ZNF30: variants seen among roughly 807,000 people sequenced by gnomAD.
ZNF30 encodes the protein zinc finger protein 30 (KOX 28).
Under a neutral mutation model 13.2 loss-of-function variants are expected in ZNF30, and 15 were observed. The ratio of observed to expected loss-of-function variants is 1.13; its 90% CI spans 0.76 to 1.75. The LOEUF (loss-of-function observed/expected upper bound fraction) is 1.75, where lower values mean the gene tolerates loss of function less well. Among genes scored for constraint, ZNF30 ranks in the 40% most tolerant of loss-of-function variants. The pLI is 0.00. For missense variants in ZNF30, 726 were observed against 757.0 expected (o/e 0.96, Z 0.48); for synonymous variants, 223 against 256.6 (o/e 0.87, Z 1.25).
chr19:34,939,730 C>T (rs999589394), intron 4 of ZNF30, among the ~76,000 whole-genome samples: 9 of 152,202 alleles, frequency 5.9e-5, no homozygotes, highest in African/African-American at 1.4e-4. Context: ...GATGCCACAG[C>T]GTTATTTCAC....
intron 3 of ZNF30, among the ~76,000 whole-genome samples, chr19:34,933,070 G>A (rs1206954663): frequency 2.1e-5 from 3 of 145,984 alleles, no homozygotes; most frequent in Admixed American, 6.8e-5. Flanking sequence ...ATGAGCCACC[G>A]GGCCTGGTTT....
upstream of ZNF30, among the ~76,000 whole-genome samples, chr19:34,926,379 T>A (rs746464726): frequency 6.6e-6 from 1 of 152,176 alleles, no homozygotes; most frequent in African/African-American, 2.4e-5. Context: ...GAAAGATAAA[T>A]GCCTATTACA....
chr19:34,939,273 C>A (rs2012916331), intron 4 of ZNF30, among the ~76,000 whole-genome samples: 1 of 151,596 alleles, frequency 6.6e-6, no homozygotes, highest in Non-Finnish European at 1.5e-5. Flanking sequence ...CCTCCGCCTC[C>A]CAGGTTCAAG....
intron 4 of ZNF30, among the ~76,000 whole-genome samples, chr19:34,941,268 G>A (rs2013032859): frequency 6.6e-6 from 1 of 152,060 alleles, no homozygotes; most frequent in South Asian, 2.1e-4. Context: ...CTGAAGTTTT[G>A]TTTTGTTTTG....
chr19:34,933,782 G>T, intron 4 of ZNF30, 59 bp downstream of exon 4: 1 of 1,167,318 alleles, frequency 8.6e-7, no homozygotes, highest in South Asian at 1.3e-5. Flanking sequence ...CCAGCTGTCA[G>T]GGAGGAAGTG....
At position 34,937,980 on chromosome 19, in the gene ZNF30, G is replaced by A. The variant is rs144009152; in HGVS notation, c.256+4257G>A. 6.1e-3 allele frequency among the ~76,000 whole-genome samples: 932 copies of A among 152,168 alleles called. 5 individuals carry two copies. Among genetic ancestry groups the A allele is most frequent in the Non-Finnish European group, 9.2e-3 (623 of 68,010 alleles). On this transcript the variant is annotated intron_variant, in intron 4 of 4. Transcript: ENST00000601142. Reference sequence around the variant, plus strand: ...CTGGCTAATTTTTGTATTTTTAGTAGAGGTGGGGTTTCATCATGTTGTCCA... The same window carrying A: ...CTGGCTAATTTTTGTATTTTTAGTAAAGGTGGGGTTTCATCATGTTGTCCA...
Position 34,938,298 on chromosome 19 carries a change from G to A in ZNF30, c.256+4575G>A, listed in dbSNP as rs10414439. Among the ~76,000 whole-genome samples, 1,045 of 152,168 alleles carry A rather than the reference G, an allele frequency of 6.9e-3. 16 individuals are homozygous for A. The highest frequency in any genetic ancestry group is 0.024 in the African/African-American group (990 of 41,528). On this transcript the variant is annotated intron_variant, in intron 4 of 4. Coordinates refer to ENST00000601142, the MANE Select transcript of ZNF30 (RefSeq NM_194325.3). Reference sequence around the variant, plus strand: ...AAATAAGGTCACATTCTGAAGTATCGGGTGGACAGGAGTTTGGGGGACACT... The same window carrying A: ...AAATAAGGTCACATTCTGAAGTATCAGGTGGACAGGAGTTTGGGGGACACT...
rs1288651661 is a variant in ZNF30, at chr19:34,943,591, T to A, written c.625T>A (p.Cys209Ser). 4.3e-6 allele frequency: 7 copies of A among 1,613,564 alleles called. No homozygotes were observed. The highest frequency in any genetic ancestry group is 5.9e-6 in the Non-Finnish European group (7 of 1,179,820). The change falls in exon 5 of 5, where the codon TGT becomes AGT. Residue 209 changes from cysteine to serine, a missense_variant. Physicochemically the swap from Cys to Ser is moderately radical, Grantham distance 112. Transcript: ENST00000601142. ...TGAGAAGCCACTCAAATGTAAGCAATGTGGAAAGACTATTAGTGGTAGCTA... is the reference window on the plus strand; with the variant it reads ...TGAGAAGCCACTCAAATGTAAGCAAAGTGGAAAGACTATTAGTGGTAGCTA... ...TGEKPLKCKQ[C>S]GKTISGSYQL... is the part of the protein sequence containing the mutation.
intron 2 of ZNF30, 60 bp from the exon 3 acceptor site, chr19:34,931,783 C>A: frequency 6.5e-7 from 1 of 1,545,074 alleles, no homozygotes; most frequent in Non-Finnish European, 8.8e-7. Flanking sequence ...TCCCTTACTA[C>A]ACTGAAACGT....
intron 4 of ZNF30, among the ~76,000 whole-genome samples, chr19:34,936,034 G>T (rs759328678): frequency 6.6e-6 from 1 of 152,162 alleles, no homozygotes; most frequent in African/African-American, 2.4e-5. Flanking sequence ...ATTCACTACC[G>T]TGAGAACAGT....
intron 3 of ZNF30, among the ~76,000 whole-genome samples, chr19:34,933,117 A>G (rs567766777): frequency 1.8e-4 from 28 of 152,150 alleles, no homozygotes; most frequent in Non-Finnish European, 2.6e-4. Context: ...GTATACACTT[A>G]TCTATATTTA....
intron 1 of ZNF30, among the ~76,000 whole-genome samples, chr19:34,928,220 A>AAAATATATAT (rs1555778254): frequency 2.0e-3 from 149 of 73,286 alleles, no homozygotes; most frequent in Middle Eastern, 9.6e-3. Context: ...AAAAAAAAAA[A>AAAATATATAT]ATATATATAT....
At chr19:34,931,455 CAG>C (rs1007441898) in intron 2 of ZNF30, among the ~76,000 whole-genome samples, 252 of 152,250 alleles carry the variant, frequency 1.7e-3, no homozygotes, top group African/African-American at 5.5e-3. Flanking sequence ...TTTTCTAAGA[CAG>C]ATTTTATTCT....
intron 1 of ZNF30, among the ~76,000 whole-genome samples, chr19:34,929,518 C>T (rs559008542): frequency 6.6e-6 from 1 of 152,270 alleles, no homozygotes; most frequent in African/African-American, 2.4e-5. Context: ...TATACTGTCA[C>T]CATTAAAGAA....
At position 34,933,637 on chromosome 19, in the gene ZNF30, G is replaced by C. The variant is rs190884569; in HGVS notation, c.170G>C (p.Arg57Pro). The C allele has an allele frequency of 6.3e-7, 1 of 1,597,042 alleles. No individual in the cohort carries two copies. Among genetic ancestry groups the C allele is most frequent in the Non-Finnish European group, 8.5e-7 (1 of 1,171,196 alleles). ...CTTATCTCATAAGCAGGACATTCCC[G>C]TTCTAAACCACATGTGATCGCCTTA... is the stretch of plus-strand genomic sequence containing the variant. ...YRNLVSMGHS[R>P]SKPHVIALLE... The change falls in exon 4 of 5, where the codon CGT (arginine) becomes CCT (proline). Residue 57 changes from arginine (R) to proline (P), a missense_variant. Arg to Pro is a moderately radical substitution (Grantham distance 103). Transcript: ENST00000601142.
intron 4 of ZNF30, among the ~76,000 whole-genome samples, chr19:34,937,809 A>ATT (rs1408912801): frequency 2.6e-5 from 4 of 151,826 alleles, no homozygotes; most frequent in African/African-American, 9.7e-5. Flanking sequence ...ATATATATAT[A>ATT]TTTTTTCAAG....
chr19:34,926,835 A>AGCGCCT (rs2012093792), upstream of ZNF30: 19 of 396,726 alleles, frequency 4.8e-5, no homozygotes, highest in East Asian at 6.4e-4. Flanking sequence ...CAGCAACTCG[A>AGCGCCT]GCGCCTGCGC....
chr19:34,945,066 ATTAC>A lies in ZNF30; in HGVS notation c.*232_*235del. The A allele has an allele frequency of 2.2e-6, 1 of 461,320 alleles. No homozygotes were observed. The highest frequency in any genetic ancestry group is 3.8e-6 in the Non-Finnish European group (1 of 266,542). 28.6% of individuals were successfully genotyped at this position (461,320 alleles called of 1,614,324 possible). A position where few individuals can be genotyped will look rare whatever the true frequency, so the allele number is the denominator to read the frequency against. ...CCATTCAGAAAAAGTGGGAAACGTT[ATTAC>A]TTAATGGTTACAGCACTGACAGCAT... On this transcript the variant is annotated 3_prime_UTR_variant, in exon 5 of 5. Transcript: ENST00000601142.
At chr19:34,931,585 T>C (rs1600219172) in intron 2 of ZNF30, among the ~76,000 whole-genome samples, 1 of 152,344 alleles carries the variant, frequency 6.6e-6, no homozygotes, top group Non-Finnish European at 1.5e-5. Flanking sequence ...TTGTATGTAC[T>C]CTTTTACTTA....
Sources: allele counts gnomAD v4.1 joint callset (sites outside exome capture counted in the v4.1 genomes callset), GRCh38; gene constraint gnomAD v4.1.1; transcripts MANE v1.5; gene names NCBI Gene and HGNC (gene_info 2026-07-23, HGNC 2026-07-21).